KLHL1: variants seen among roughly 807,000 people sequenced by gnomAD.
KLHL1 encodes the protein kelch like family member 1.
A neutral mutation model predicts 77.7 loss-of-function variants in KLHL1; 47 were observed. The observed-to-expected ratio is 0.60, with a 90% CI of 0.48 to 0.77. The LOEUF (loss-of-function observed/expected upper bound fraction) is 0.77, where lower values mean the gene tolerates loss of function less well. Among genes scored for constraint, KLHL1 ranks in the 30% least tolerant of loss-of-function variants. KLHL1 has a pLI of 0.00. For synonymous variants in KLHL1, 360 were observed against 325.2 expected, an observed-to-expected ratio of 1.11 and a Z score of -1.15; for missense variants, 925 against 910.8, an observed-to-expected ratio of 1.02 and a Z score of -0.20.
intron 6 of KLHL1, among the ~76,000 whole-genome samples, chr13:69,828,638 C>T (rs1023854368): frequency 6.7e-6 from 1 of 150,156 alleles, no homozygotes; most frequent in African/African-American, 2.5e-5. Context: ...ACTTTCTCAG[C>T]AGGGAGGTTT....
In KLHL1 at chr13:69,867,784, A is replaced by C. The variant is rs540089639; in HGVS notation, c.1227+14499T>G. Among the ~76,000 whole-genome samples the C allele has an allele frequency of 3.4e-4, 51 of 149,138 alleles. 1 individual carries two copies. In the South Asian group the frequency reaches 0.011, roughly 32 times the overall value. On this transcript the variant is annotated intron_variant, in intron 5 of 10. Coordinates refer to ENST00000377844, the MANE Select transcript of KLHL1 (RefSeq NM_020866.3). ...GAAAAAAGCATATGTAATATTAACA[A>C]AATAATAAATCGAACAATGAGAACA...
At chr13:70,058,211 T>A (rs995117065) in intron 1 of KLHL1, among the ~76,000 whole-genome samples, 1 of 152,160 alleles carries the variant, frequency 6.6e-6, no homozygotes, top group Admixed American at 6.5e-5. Context: ...CCACTGTTAT[T>A]CAACATCGTA....
At chr13:69,969,615 G>C (rs1264541885) in intron 2 of KLHL1, among the ~76,000 whole-genome samples, 1 of 151,626 alleles carries the variant, frequency 6.6e-6, no homozygotes, top group African/African-American at 2.4e-5. Context: ...GCAAAATATC[G>C]TGTAACCTAT....
Position 69,737,575 on chromosome 13 carries a change from T to C in KLHL1, c.1802+2819A>G, listed in dbSNP as rs182982901. On this transcript the variant is annotated intron_variant, in intron 8 of 10. Transcript: ENST00000377844. ...CTGGTGCCAGCAAGACTGGGCGGTC[T>C]GGACTGGGAGCAAACTTCTCACAGG... is the stretch of plus-strand genomic sequence containing the variant. Among the ~76,000 whole-genome samples, 197 of 152,332 alleles carry C rather than the reference T, an allele frequency of 1.3e-3. 2 individuals are homozygous for C. Among genetic ancestry groups the C allele is most frequent in the African/African-American group, 4.4e-3 (182 of 41,582 alleles).
At chr13:69,993,728 A>G (rs969540686) in intron 1 of KLHL1, among the ~76,000 whole-genome samples, 3 of 152,110 alleles carry the variant, frequency 2.0e-5, no homozygotes, top group Non-Finnish European at 4.4e-5. Flanking sequence ...TTCCCCAAAT[A>G]CTGCAATATC....
At chr13:69,948,551 A>G (rs73512608) in intron 3 of KLHL1, among the ~76,000 whole-genome samples, 21,031 of 152,020 alleles carry the variant, frequency 0.14, 2,398 homozygotes, top group African/African-American at 0.29. Flanking sequence ...ACATTTATCT[A>G]CAATCACATC....
intron 5 of KLHL1, among the ~76,000 whole-genome samples, chr13:69,854,095 G>A (rs1336002828): frequency 6.6e-6 from 1 of 152,130 alleles, no homozygotes; most frequent in East Asian, 1.9e-4. Flanking sequence ...AATCCATAAA[G>A]TCTTTGACTT....
chr13:69,712,533 G>C (rs2137881725), intron 9 of KLHL1, among the ~76,000 whole-genome samples: 1 of 151,786 alleles, frequency 6.6e-6, no homozygotes, highest in Non-Finnish European at 1.5e-5. Context: ...TATTCCATTT[G>C]TCTATTTATT....
At chr13:69,906,623 T>C (rs998197059) in intron 4 of KLHL1, among the ~76,000 whole-genome samples, 1 of 151,578 alleles carries the variant, frequency 6.6e-6, no homozygotes, top group South Asian at 2.1e-4. Context: ...TCTCTTTTTA[T>C]CTTGAATAAC....
intron 1 of KLHL1, among the ~76,000 whole-genome samples, chr13:70,009,207 G>A (rs747132613): frequency 1.3e-5 from 2 of 152,066 alleles, no homozygotes; most frequent in Admixed American, 6.6e-5. Flanking sequence ...AAGGACAACA[G>A]TGTCGTAGTG....
At chr13:69,911,752 ATATAT>A (rs959693926) in intron 4 of KLHL1, among the ~76,000 whole-genome samples, 2 of 152,074 alleles carry the variant, frequency 1.3e-5, no homozygotes, top group African/African-American at 4.8e-5. Context: ...ACTAAATGAA[ATATAT>A]TATATTTCAT....
At chr13:69,942,297 T>G (rs1259397536) in intron 3 of KLHL1, among the ~76,000 whole-genome samples, 1 of 152,026 alleles carries the variant, frequency 6.6e-6, no homozygotes, top group Non-Finnish European at 1.5e-5. Context: ...GAAGGCAGGT[T>G]GCACTAAATT....
chr13:69,763,481 G>T (rs1219668365), intron 7 of KLHL1, among the ~76,000 whole-genome samples: 1 of 152,178 alleles, frequency 6.6e-6, no homozygotes, highest in African/African-American at 2.4e-5. Context: ...AGTTGTTAAT[G>T]TTTACATGTA....
chr13:70,039,337 G>C (rs553880849), intron 1 of KLHL1, among the ~76,000 whole-genome samples: 11 of 152,004 alleles, frequency 7.2e-5, no homozygotes, highest in Admixed American at 2.0e-4. Context: ...TCCTGCCATG[G>C]CCTCTCAAAG....
chr13:70,073,079 T>C (rs1887175389), intron 1 of KLHL1, among the ~76,000 whole-genome samples: 1 of 152,174 alleles, frequency 6.6e-6, no homozygotes, highest in Admixed American at 6.5e-5. Flanking sequence ...CAAAGGATTA[T>C]AAATCATGCT....
chr13:69,891,208 G>A (rs575553589), intron 4 of KLHL1, among the ~76,000 whole-genome samples: 13 of 151,970 alleles, frequency 8.6e-5, no homozygotes, highest in Admixed American at 5.2e-4. Flanking sequence ...CAACTCTGCC[G>A]GACTGAAGTG....
intron 1 of KLHL1, among the ~76,000 whole-genome samples, chr13:70,071,412 G>A (rs893461262): frequency 1.3e-5 from 2 of 151,992 alleles, no homozygotes; most frequent in African/African-American, 4.8e-5. Flanking sequence ...CTATGTTACA[G>A]ACTTCAATGC....
intron 4 of KLHL1, among the ~76,000 whole-genome samples, chr13:69,901,612 G>T (rs768256193): frequency 6.6e-6 from 1 of 152,074 alleles, no homozygotes; most frequent in Non-Finnish European, 1.5e-5. Context: ...CAATCTTACT[G>T]TAACATTTTA....
Position 69,882,462 on chromosome 13 carries a change from A to G in KLHL1, c.1048T>C (p.Phe350Leu), listed in dbSNP as rs1298101976. Residue 350 changes from phenylalanine (F) to leucine (L), a missense_variant, in exon 5 of 11, where the codon TTT becomes CTT. By Grantham distance (22) the Phe-to-Leu change is conservative. Transcript: ENST00000377844. ...AGCTCCTCAGCTGGAAGGAGTAAAA[A>G]CTCTTGATTTCTGATAACTTCCATT... The part of the protein sequence containing the change: ...NIMEVIRNQE[F>L]LLLPAEELHK... The G allele has an allele frequency of 6.2e-7, 1 of 1,613,428 alleles. No individual in the cohort carries two copies. The highest frequency in any genetic ancestry group is 1.1e-5 in the South Asian group (1 of 91,052).
Sources: gnomAD v4.1 joint callset for allele counts (sites outside exome capture counted in the v4.1 genomes callset) on GRCh38, gnomAD v4.1.1 for gene constraint, MANE v1.5 for transcripts, NCBI Gene and HGNC (gene_info 2026-07-23, HGNC 2026-07-21) for gene names.